LRP1B: variants seen among roughly 807,000 people sequenced by gnomAD.
The protein encoded by LRP1B is low-density lipoprotein receptor-related protein 1B.
A neutral mutation model predicts 556.6 loss-of-function variants in LRP1B; 217 were observed. That is an observed-to-expected ratio of 0.39 (90% CI 0.35 to 0.44). The LOEUF is 0.44. LRP1B is among the 20% of genes least tolerant of loss of function. LRP1B has a pLI of 1.00. For missense variants in LRP1B, 5,053 were observed against 5,620.8 expected (o/e 0.90, Z 3.23); for synonymous variants, 2,047 against 1,865.8 (o/e 1.10, Z -2.50).
At chr2:141,018,290 C>T (rs925107267) in intron 12 of LRP1B, among the ~76,000 whole-genome samples, 1 of 151,980 alleles carries the variant, frequency 6.6e-6, no homozygotes, top group African/African-American at 2.4e-5. Flanking sequence ...AAGCTCTTTC[C>T]TCTGTTTCTT....
intron 6 of LRP1B, among the ~76,000 whole-genome samples, chr2:141,193,560 G>A (rs2105206849): frequency 6.6e-6 from 1 of 151,954 alleles, no homozygotes. Context: ...CACAAAGAAG[G>A]GAACAATAGA....
At chr2:141,516,796 C>T (rs1684328653) in intron 2 of LRP1B, among the ~76,000 whole-genome samples, 1 of 150,236 alleles carries the variant, frequency 6.7e-6, no homozygotes, top group African/African-American at 2.5e-5. Context: ...CTCCCAGGCT[C>T]AAGTGATTCT....
chr2:142,126,495 C>G (rs1219798843), intron 1 of LRP1B, among the ~76,000 whole-genome samples: 1 of 151,792 alleles, frequency 6.6e-6, no homozygotes, highest in Non-Finnish European at 1.5e-5. Flanking sequence ...TTACTACTAA[C>G]TTAGTTTGAC....
intron 2 of LRP1B, among the ~76,000 whole-genome samples, chr2:141,643,508 A>T (rs1015945251): frequency 4.6e-5 from 7 of 152,168 alleles, no homozygotes; most frequent in African/African-American, 1.7e-4. Flanking sequence ...TTTGTGGGAA[A>T]ATCTGTCTCA....
intron 20 of LRP1B, among the ~76,000 whole-genome samples, chr2:140,927,424 T>C (rs536395347): frequency 4.6e-5 from 7 of 152,274 alleles, no homozygotes; most frequent in South Asian, 4.1e-4. Flanking sequence ...TAATTAAACT[T>C]TGGAGTCTGC....
At chr2:141,734,175 A>G (rs1350653145) in intron 2 of LRP1B, among the ~76,000 whole-genome samples, 1 of 152,142 alleles carries the variant, frequency 6.6e-6, no homozygotes, top group Admixed American at 6.6e-5. Flanking sequence ...TTAATTGACG[A>G]ATTAATCTCT....
At chr2:141,643,882 T>C (rs1558775799) in intron 2 of LRP1B, among the ~76,000 whole-genome samples, 2 of 152,078 alleles carry the variant, frequency 1.3e-5, no homozygotes, top group Non-Finnish European at 2.9e-5. Flanking sequence ...ACAGTAATAT[T>C]AATAACAGCG....
intron 1 of LRP1B, among the ~76,000 whole-genome samples, chr2:141,876,170 G>A (rs565166133): frequency 1.3e-5 from 2 of 151,970 alleles, no homozygotes; most frequent in South Asian, 2.1e-4. Flanking sequence ...CAATTATTTG[G>A]ACATTAAAAT....
chr2:141,023,492 A>G (rs1525596), intron 11 of LRP1B, among the ~76,000 whole-genome samples: 149,642 of 152,020 alleles, frequency 0.98, 73,700 homozygotes, highest in Middle Eastern at 1. Flanking sequence ...GTAATACTTT[A>G]GACTAGACCA....
chr2:140,581,053 ATC>A (rs1681742296), intron 43 of LRP1B, among the ~76,000 whole-genome samples: 1 of 152,336 alleles, frequency 6.6e-6, no homozygotes, highest in Non-Finnish European at 1.5e-5. Flanking sequence ...ATGGCAGTAT[ATC>A]AGCAGGGTGA....
intron 43 of LRP1B, among the ~76,000 whole-genome samples, chr2:140,568,350 T>C (rs1033704445): frequency 6.6e-6 from 1 of 151,256 alleles, no homozygotes; most frequent in African/African-American, 2.4e-5. Context: ...TAAAAAAATA[T>C]AACTGAGAGT....
intron 2 of LRP1B, among the ~76,000 whole-genome samples, chr2:141,535,235 A>G (rs1055256360): frequency 4.6e-5 from 7 of 152,114 alleles, no homozygotes; most frequent in African/African-American, 1.7e-4. Context: ...AAATGGGTTC[A>G]TGTTTTCTAA....
At chr2:141,407,598 T>G (rs1231448176) in intron 3 of LRP1B, among the ~76,000 whole-genome samples, 1 of 152,080 alleles carries the variant, frequency 6.6e-6, no homozygotes, top group Non-Finnish European at 1.5e-5. Flanking sequence ...TTTAAAAATT[T>G]GTGGCACCTT....
intron 66 of LRP1B, among the ~76,000 whole-genome samples, chr2:140,403,326 TA>T (rs1353474402): frequency 1.3e-5 from 2 of 152,154 alleles, no homozygotes; most frequent in African/African-American, 4.8e-5. Context: ...GGTTGTTTAT[TA>T]AGCTACCCAA....
chr2:141,921,159 A>T (rs984817291), intron 1 of LRP1B, among the ~76,000 whole-genome samples: 1 of 152,064 alleles, frequency 6.6e-6, no homozygotes, highest in Non-Finnish European at 1.5e-5. Flanking sequence ...ACAATTTCTC[A>T]TCCTTGTAAG....
chr2:142,052,945 T>C (rs541319624), intron 1 of LRP1B, among the ~76,000 whole-genome samples: 28 of 152,252 alleles, frequency 1.8e-4, no homozygotes, highest in Non-Finnish European at 3.8e-4. Flanking sequence ...CGGCATGAAG[T>C]TAATGAATAC....
chr2:141,302,896 A>G (rs1686450056), intron 3 of LRP1B, among the ~76,000 whole-genome samples: 1 of 152,102 alleles, frequency 6.6e-6, no homozygotes, highest in African/African-American at 2.4e-5. Flanking sequence ...ATCCTTGTGC[A>G]ATATCAATAA....
At chr2:140,579,661 G>A (rs576754680) in intron 43 of LRP1B, among the ~76,000 whole-genome samples, 405 of 152,160 alleles carry the variant, frequency 2.7e-3, no homozygotes, top group African/African-American at 9.2e-3. Context: ...GACCAACAGG[G>A]CATAACCCCA....
At chr2:141,862,514 T>C (rs1414329883) in intron 1 of LRP1B, among the ~76,000 whole-genome samples, 2 of 152,188 alleles carry the variant, frequency 1.3e-5, no homozygotes, top group African/African-American at 2.4e-5. Flanking sequence ...GTTCAAGCAA[T>C]TATCCTACCT....
Sources: allele counts gnomAD v4.1 joint callset (sites outside exome capture counted in the v4.1 genomes callset), GRCh38; gene constraint gnomAD v4.1.1; transcripts MANE v1.5; gene names NCBI Gene and HGNC (gene_info 2026-07-23, HGNC 2026-07-21).